The following NRXN3 variants were observed in gnomAD, a reference collection of about 807,000 sequenced individuals.
The protein encoded by NRXN3 is neurexin III.
A neutral mutation model predicts 137.6 loss-of-function variants in NRXN3; 32 were observed. The ratio of observed to expected loss-of-function variants is 0.23; its 90% CI spans 0.18 to 0.31. The LOEUF is 0.31. NRXN3 is among the 10% of genes least tolerant of loss of function. NRXN3 has a pLI of 1.00. For missense variants in NRXN3, 1,574 were observed against 2,062.5 expected, an observed-to-expected ratio of 0.76 and a Z score of 4.59; for synonymous variants, 798 against 784.5, an observed-to-expected ratio of 1.02 and a Z score of -0.29.
intron 15 of NRXN3, among the ~76,000 whole-genome samples, chr14:79,456,549 A>G (rs574781431): frequency 6.6e-6 from 1 of 152,280 alleles, no homozygotes; most frequent in Admixed American, 6.5e-5. Context: ...CAACATAGTG[A>G]AACCCTGTCT....
intron 4 of NRXN3, among the ~76,000 whole-genome samples, chr14:78,605,763 G>A (rs964696921): frequency 6.6e-6 from 1 of 152,192 alleles, no homozygotes; most frequent in Middle Eastern, 3.4e-3. Context: ...CGTGTTAAAT[G>A]GTGTAGTAGT....
At chr14:78,417,799 C>T (rs2093225930) in intron 4 of NRXN3, among the ~76,000 whole-genome samples, 1 of 152,178 alleles carries the variant, frequency 6.6e-6, no homozygotes, top group African/African-American at 2.4e-5. Context: ...TCTTGTCCCC[C>T]AGGCTGGAGT....
Position 79,525,765 on chromosome 14 carries a change from A to G in NRXN3, c.3444+58363A>G, listed in dbSNP as rs147454407. Among the ~76,000 whole-genome samples the G allele has an allele frequency of 3.9e-3, 599 of 152,336 alleles. 7 individuals carry two copies. The highest frequency in any genetic ancestry group is 0.013 in the African/African-American group (558 of 41,584). On this transcript the variant is annotated intron_variant, in intron 16 of 20. Transcript: ENST00000335750. ...CTTAAATCTCTGTCTTATGTTCACT[A>G]TAAATGTTTTAAGTCAACATAATGC...
chr14:79,211,722 T>C (rs1419663524), intron 15 of NRXN3, among the ~76,000 whole-genome samples: 1 of 152,194 alleles, frequency 6.6e-6, no homozygotes, highest in Non-Finnish European at 1.5e-5. Context: ...TAACATCCAG[T>C]GGCTATTCCA....
chr14:79,656,143 AGT>A (rs1466238729), intron 16 of NRXN3, among the ~76,000 whole-genome samples: 1 of 152,222 alleles, frequency 6.6e-6, no homozygotes, highest in African/African-American at 2.4e-5. Context: ...GTTTGTTGTT[AGT>A]GTGAGCACAG....
chr14:79,148,097 A>G (rs6574497), intron 15 of NRXN3, among the ~76,000 whole-genome samples: 149,596 of 152,214 alleles, frequency 0.98, 73,562 homozygotes, highest in Middle Eastern at 1. Context: ...GGTGAAAAAA[A>G]ATATGCAGGG....
At position 78,943,633 on chromosome 14, in the gene NRXN3, T is replaced by TAA. The variant is rs1255485700; in HGVS notation, c.2276-13608_2276-13607insAA. ...GTTAAAAAAAAAAAATATATATATATATATATATATATATATATATATATA... is the reference window on the plus strand; with the variant it reads ...GTTAAAAAAAAAAAATATATATATATAAATATATATATATATATATATATATA... On this transcript the variant is annotated intron_variant, in intron 10 of 20. Transcript: ENST00000335750. 4.6e-4 allele frequency among the ~76,000 whole-genome samples: 10 copies of TAA among 21,868 alleles called. 1 individual carries two copies. The highest frequency in any genetic ancestry group is 3.7e-3 in the African/African-American group (10 of 2,682). 14.3% of individuals were successfully genotyped at this position (21,868 alleles called of 152,430 possible). A position where few individuals can be genotyped will look rare whatever the true frequency, so the allele number is the denominator to read the frequency against.
At chr14:79,674,819 T>G (rs1488177877) in intron 17 of NRXN3, among the ~76,000 whole-genome samples, 3 of 152,134 alleles carry the variant, frequency 2.0e-5, no homozygotes, top group African/African-American at 7.2e-5. Context: ...GTTTTCATTT[T>G]AATCACATTA....
intron 15 of NRXN3, among the ~76,000 whole-genome samples, chr14:79,109,209 T>C (rs2053028356): frequency 6.6e-6 from 1 of 152,182 alleles, no homozygotes; most frequent in South Asian, 2.1e-4. Flanking sequence ...TCCTCATAAA[T>C]TGTCTATCCA....
chr14:79,334,754 A>G (rs2092112356), intron 15 of NRXN3, among the ~76,000 whole-genome samples: 1 of 152,194 alleles, frequency 6.6e-6, no homozygotes, highest in Non-Finnish European at 1.5e-5. Flanking sequence ...GTGCTACATT[A>G]TTATGATGTC....
intron 15 of NRXN3, among the ~76,000 whole-genome samples, chr14:79,132,351 G>A (rs945406068): frequency 6.6e-5 from 10 of 152,212 alleles, no homozygotes; most frequent in African/African-American, 2.4e-4. Context: ...TAAAAACAGT[G>A]TCAGAATTGA....
chr14:78,499,011 G>A (rs769015974), intron 4 of NRXN3, among the ~76,000 whole-genome samples: 1 of 151,952 alleles, frequency 6.6e-6, no homozygotes, highest in South Asian at 2.1e-4. Flanking sequence ...GCTGTAAAAT[G>A]GTTCTAATAA....
chr14:78,707,580 T>C (rs1567109493), intron 6 of NRXN3, among the ~76,000 whole-genome samples: 1 of 152,226 alleles, frequency 6.6e-6, no homozygotes, highest in African/African-American at 2.4e-5. Flanking sequence ...CCATAGGTTA[T>C]TGGGGTTCAG....
intron 4 of NRXN3, among the ~76,000 whole-genome samples, chr14:78,515,541 A>T (rs1484622127): frequency 1.3e-5 from 2 of 152,138 alleles, no homozygotes; most frequent in Admixed American, 6.6e-5. Flanking sequence ...CCTAAAATAT[A>T]GTTCTATATG....
chr14:79,810,260 T>C (rs2099227066), intron 20 of NRXN3, among the ~76,000 whole-genome samples: 1 of 152,200 alleles, frequency 6.6e-6, no homozygotes, highest in African/African-American at 2.4e-5. Flanking sequence ...ACCACATTGA[T>C]TCATCCAGTC....
intron 8 of NRXN3, among the ~76,000 whole-genome samples, chr14:78,757,369 C>T (rs1359087292): frequency 1.3e-5 from 2 of 150,036 alleles, no homozygotes; most frequent in African/African-American, 2.5e-5. Flanking sequence ...GAGATCGCCA[C>T]TGCACTCCAG....
chr14:78,594,122 G>A (rs994549572), intron 4 of NRXN3, among the ~76,000 whole-genome samples: 3 of 152,186 alleles, frequency 2.0e-5, no homozygotes, highest in Admixed American at 6.5e-5. Flanking sequence ...TGTGGCAAGC[G>A]AAAAATGTGT....
chr14:78,967,454 C>A (rs2099421137), intron 13 of NRXN3, 56 bp downstream of exon 13: 1 of 1,305,686 alleles, frequency 7.7e-7, no homozygotes, highest in Non-Finnish European at 1.1e-6. Context: ...AATAGATAGA[C>A]TATTTCCAGA....
chr14:79,163,932 G>A (rs1255179639), intron 15 of NRXN3, among the ~76,000 whole-genome samples: 1 of 151,758 alleles, frequency 6.6e-6, no homozygotes, highest in East Asian at 1.9e-4. Context: ...GTCTGTTTTT[G>A]TGTGATTCCT....
Sources: allele counts gnomAD v4.1 joint callset (sites outside exome capture counted in the v4.1 genomes callset), GRCh38; gene constraint gnomAD v4.1.1; transcripts MANE v1.5; gene names NCBI Gene and HGNC (gene_info 2026-07-23, HGNC 2026-07-21).